The following SMYD3 variants were observed in gnomAD, a reference collection of about 807,000 sequenced individuals.
SMYD3 encodes the protein histone-lysine N-methyltransferase SMYD3.
In SMYD3, 36 loss-of-function variants were observed where a neutral mutation model predicts 57.7. That is an observed-to-expected ratio of 0.62 (90% CI 0.48 to 0.82). The LOEUF is 0.82. Ranked by LOEUF, SMYD3 falls within the 40% of genes least tolerant of loss-of-function variation. The probability of loss-of-function intolerance (pLI) is 0.00; values close to 1 mark genes in which losing one functional copy is unlikely to be tolerated. For synonymous variants in SMYD3, 211 were observed against 195.0 expected (o/e 1.08, Z -0.68); for missense variants, 515 against 538.8 (o/e 0.96, Z 0.44).
At chr1:245,760,482 GCCAT>G (rs1328727374) in intron 11 of SMYD3, among the ~76,000 whole-genome samples, 1 of 152,084 alleles carries the variant, frequency 6.6e-6, no homozygotes, top group East Asian at 1.9e-4. Context: ...ATACATTCAG[GCCAT>G]CCCTCTGCTA....
At chr1:246,294,125 T>C (rs1323937860) in intron 5 of SMYD3, among the ~76,000 whole-genome samples, 1 of 152,184 alleles carries the variant, frequency 6.6e-6, no homozygotes, top group Admixed American at 6.5e-5. Context: ...ATGCTGCTCC[T>C]ATTTTCTTTT....
chr1:246,361,548 G>A (rs1410554284), intron 1 of SMYD3, among the ~76,000 whole-genome samples: 1 of 152,136 alleles, frequency 6.6e-6, no homozygotes, highest in African/African-American at 2.4e-5. Context: ...CAGCCCAAAT[G>A]CCCATCAGTC....
intron 5 of SMYD3, among the ~76,000 whole-genome samples, chr1:246,002,732 G>A (rs1403307854): frequency 2.0e-5 from 3 of 151,758 alleles, no homozygotes; most frequent in Non-Finnish European, 4.4e-5. Flanking sequence ...GATGACAGGC[G>A]CCCGCCACCA....
At chr1:245,935,162 A>G (rs569095286) in intron 5 of SMYD3, among the ~76,000 whole-genome samples, 2 of 152,360 alleles carry the variant, frequency 1.3e-5, no homozygotes, top group South Asian at 4.1e-4. Context: ...ACAACGGATA[A>G]GAGGTTAATA....
chr1:245,982,121 A>C (rs1365036766), intron 5 of SMYD3, among the ~76,000 whole-genome samples: 2 of 152,154 alleles, frequency 1.3e-5, no homozygotes, highest in Non-Finnish European at 2.9e-5. Flanking sequence ...TTTTAATAGC[A>C]CAGCTGTAAT....
chr1:246,392,806 GAA>G (rs35750695), intron 1 of SMYD3, among the ~76,000 whole-genome samples: 8,475 of 139,230 alleles, frequency 0.061, 270 homozygotes, highest in Middle Eastern at 0.17. Flanking sequence ...AAAAGAAAAA[GAA>G]AAAAAAAAAA....
intron 5 of SMYD3, among the ~76,000 whole-genome samples, chr1:246,125,083 A>AG (rs770348655): frequency 9.1e-6 from 1 of 109,542 alleles, no homozygotes; most frequent in African/African-American, 2.7e-5. Context: ...AAAAAAAAAA[A>AG]AAAAACACAC....
Position 245,931,432 on chromosome 1 carries a change from T to C in SMYD3, c.532-1495A>G, listed in dbSNP as rs191419225. 6.6e-5 allele frequency among the ~76,000 whole-genome samples: 10 copies of C among 152,276 alleles called. No individual in the cohort carries two copies. The East Asian group carries it at 9.7e-4, about 15-fold the overall frequency. On this transcript the variant is annotated intron_variant, in intron 5 of 11. Transcript: ENST00000490107. ...TTTGGCCGAAGCAAGTGGAAGATCA[T>C]AGCTACCATTTATTAAGATGAGGAA...
intron 10 of SMYD3, among the ~76,000 whole-genome samples, chr1:245,772,840 G>A (rs1401040714): frequency 6.6e-6 from 1 of 152,170 alleles, no homozygotes; most frequent in East Asian, 1.9e-4. Flanking sequence ...GGGTAGGAAA[G>A]CAGTAGATAA....
At chr1:246,222,160 C>A (rs2148424616) in intron 5 of SMYD3, among the ~76,000 whole-genome samples, 1 of 152,190 alleles carries the variant, frequency 6.6e-6, no homozygotes, top group South Asian at 2.1e-4. Flanking sequence ...CTGTTGTATT[C>A]AGAAATCCTG....
intron 10 of SMYD3, among the ~76,000 whole-genome samples, chr1:245,773,512 G>C (rs2046422636): frequency 6.6e-6 from 1 of 152,190 alleles, no homozygotes; most frequent in Admixed American, 6.5e-5. Flanking sequence ...GGGGCTGTGT[G>C]GATGGCCCTC....
intron 8 of SMYD3, among the ~76,000 whole-genome samples, chr1:245,904,867 G>A (rs188489369): frequency 2.6e-3 from 387 of 151,682 alleles, no homozygotes; most frequent in Middle Eastern, 6.8e-3. Context: ...ACAGGGAAGA[G>A]TAGGGAGGAC....
intron 5 of SMYD3, among the ~76,000 whole-genome samples, chr1:246,178,237 G>A (rs978144120): frequency 6.6e-6 from 1 of 152,104 alleles, no homozygotes; most frequent in Non-Finnish European, 1.5e-5. Context: ...ATCAGAGACG[G>A]TCCTTCTGGA....
In SMYD3 at chr1:246,044,352, A is replaced by G. The variant is rs530249220; in HGVS notation, c.532-114415T>C. Among the ~76,000 whole-genome samples the G allele has an allele frequency of 2.0e-5, 3 of 152,366 alleles. No individual in the cohort carries two copies. The East Asian group carries it at 5.8e-4, about 29-fold the overall frequency. ...CTGGGTAAGATACACAGGTGTTCATACAGTAAACATGAGAACTCCATGTCA... is the reference window on the plus strand; with the variant it reads ...CTGGGTAAGATACACAGGTGTTCATGCAGTAAACATGAGAACTCCATGTCA... On this transcript the variant is annotated intron_variant, in intron 5 of 11. Transcript: ENST00000490107.
In SMYD3 at chr1:246,075,695, C is replaced by T. The variant is rs544525568; in HGVS notation, c.532-145758G>A. 2.2e-3 allele frequency among the ~76,000 whole-genome samples: 332 copies of T among 152,018 alleles called. 3 individuals carry two copies. Among genetic ancestry groups the T allele is most frequent in the Middle Eastern group, 6.8e-3 (2 of 294 alleles). On this transcript the variant is annotated intron_variant, in intron 5 of 11. Coordinates refer to ENST00000490107, the MANE Select transcript of SMYD3 (RefSeq NM_001167740.2). Reference sequence around the variant, plus strand: ...TGAAGGGTGCTGGAAATGGTAAATACGTAGGGAAGTATAAAAGACTCTTTC... The same window carrying T: ...TGAAGGGTGCTGGAAATGGTAAATATGTAGGGAAGTATAAAAGACTCTTTC...
intron 5 of SMYD3, among the ~76,000 whole-genome samples, chr1:246,220,195 G>A (rs2148419144): frequency 6.6e-6 from 1 of 152,102 alleles, no homozygotes; most frequent in Non-Finnish European, 1.5e-5. Context: ...TGTTGACTAG[G>A]ATATTGATGG....
chr1:246,164,300 G>C (rs1424966230), intron 5 of SMYD3, among the ~76,000 whole-genome samples: 1 of 152,130 alleles, frequency 6.6e-6, no homozygotes, highest in African/African-American at 2.4e-5. Flanking sequence ...GCGGGTGCCT[G>C]TCCCAGCTAC....
At chr1:245,847,458 G>A (rs535989996) in intron 10 of SMYD3, among the ~76,000 whole-genome samples, 1 of 152,336 alleles carries the variant, frequency 6.6e-6, no homozygotes, top group Middle Eastern at 3.4e-3. Context: ...AAATTATGAA[G>A]TGTGTCCTTT....
At chr1:246,122,723 T>C (rs957871416) in intron 5 of SMYD3, among the ~76,000 whole-genome samples, 2 of 152,170 alleles carry the variant, frequency 1.3e-5, no homozygotes, top group East Asian at 3.9e-4. Flanking sequence ...AGTAACCAAA[T>C]GTAAGATGAC....
Sources: allele counts gnomAD v4.1 joint callset (sites outside exome capture counted in the v4.1 genomes callset), GRCh38; gene constraint gnomAD v4.1.1; transcripts MANE v1.5; gene names NCBI Gene and HGNC (gene_info 2026-07-23, HGNC 2026-07-21).